The following NREP variants were observed in gnomAD, a reference collection of about 807,000 sequenced individuals.
NREP encodes the protein neuronal regeneration-related protein.
In NREP, 5 loss-of-function variants were observed where a neutral mutation model predicts 8.6. The ratio of observed to expected loss-of-function variants is 0.58; its 90% CI spans 0.30 to 1.22. The LOEUF is 1.22. NREP is among the 50% of genes most tolerant of loss of function. The pLI is 0.07. For missense variants in NREP, 86 were observed against 82.5 expected (o/e 1.04, Z -0.17); for synonymous variants, 27 against 28.0 (o/e 0.96, Z 0.11).
At chr5:111,956,730 G>A (rs1201106682) in intron 2 of NREP, among the ~76,000 whole-genome samples, 1 of 152,122 alleles carries the variant, frequency 6.6e-6, no homozygotes, top group Non-Finnish European at 1.5e-5. Context: ...TTGGGAGGTG[G>A]AGGCAGGTAG....
intron 2 of NREP, among the ~76,000 whole-genome samples, chr5:111,810,410 A>G (rs1752244136): frequency 6.6e-6 from 1 of 152,176 alleles, no homozygotes; most frequent in East Asian, 1.9e-4. Flanking sequence ...CACAAAATCA[A>G]CTGTACTATT....
intron 2 of NREP, among the ~76,000 whole-genome samples, chr5:111,878,017 G>A (rs1164383175): frequency 6.6e-6 from 1 of 152,118 alleles, no homozygotes; most frequent in Non-Finnish European, 1.5e-5. Context: ...TTAAACGGTG[G>A]GTAACTCAGG....
chr5:111,821,175 G>A (rs868296295), intron 2 of NREP, among the ~76,000 whole-genome samples: 3 of 152,154 alleles, frequency 2.0e-5, no homozygotes, highest in African/African-American at 7.2e-5. Context: ...ACAGCACTCC[G>A]CTGGTACCTC....
intron 1 of NREP, 118 bp from the exon 2 acceptor site, chr5:111,755,948 T>C: frequency 1.3e-6 from 2 of 1,483,324 alleles, no homozygotes; most frequent in South Asian, 1.3e-5. Context: ...ATAAGTTACA[T>C]GCAAATTATT....
At chr5:111,831,785 T>A (rs774093385) in intron 2 of NREP, among the ~76,000 whole-genome samples, 6 of 152,226 alleles carry the variant, frequency 3.9e-5, no homozygotes, top group Non-Finnish European at 7.3e-5. Context: ...TTTCTTTCTG[T>A]TAATGGCAGC....
intron 2 of NREP, among the ~76,000 whole-genome samples, chr5:111,888,127 G>C (rs1242293121): frequency 6.6e-6 from 1 of 152,220 alleles, no homozygotes; most frequent in Non-Finnish European, 1.5e-5. Context: ...TTTGGGTCTA[G>C]AAATGCTGTC....
chr5:111,838,426 A>G (rs1752947555), intron 2 of NREP, among the ~76,000 whole-genome samples: 1 of 152,138 alleles, frequency 6.6e-6, no homozygotes. Flanking sequence ...TCAACCAAAC[A>G]CTAATGTAGG....
chr5:111,785,866 T>C (rs1293101386), intron 2 of NREP, among the ~76,000 whole-genome samples: 1 of 152,070 alleles, frequency 6.6e-6, no homozygotes, highest in Non-Finnish European at 1.5e-5. Flanking sequence ...TGAGTCCCCA[T>C]AGTTCATATA....
upstream of NREP, chr5:111,757,837 G>C (rs1201355323): frequency 1.0e-6 from 1 of 966,536 alleles, no homozygotes; most frequent in African/African-American, 1.8e-5. Flanking sequence ...AGGTGGAGGA[G>C]GCGGTTTGGG....
chr5:111,885,553 G>C (rs1169278091), intron 2 of NREP, among the ~76,000 whole-genome samples: 1 of 152,068 alleles, frequency 6.6e-6, no homozygotes, highest in African/African-American at 2.4e-5. Flanking sequence ...GAGGCATCAC[G>C]CTACCTGACT....
intron 2 of NREP, among the ~76,000 whole-genome samples, chr5:111,815,030 T>A (rs901130513): frequency 2.0e-5 from 3 of 150,388 alleles, no homozygotes; most frequent in African/African-American, 7.3e-5. Flanking sequence ...TAGCGAGGAA[T>A]CTTAGAGAAG....
intron 2 of NREP, among the ~76,000 whole-genome samples, chr5:111,898,497 C>T (rs2201415): frequency 0.02 from 3,029 of 152,070 alleles, 48 homozygotes; most frequent in Non-Finnish European, 0.027. Flanking sequence ...TGATATGTTG[C>T]TATCAAACTA....
chr5:111,917,362 G>T (rs1755091897), intron 2 of NREP, among the ~76,000 whole-genome samples: 1 of 152,042 alleles, frequency 6.6e-6, no homozygotes, highest in African/African-American at 2.4e-5. Flanking sequence ...CATTTTATGA[G>T]GCCAGCATCA....
intron 2 of NREP, among the ~76,000 whole-genome samples, chr5:111,770,092 T>A (rs921549704): frequency 1.3e-5 from 2 of 152,240 alleles, no homozygotes; most frequent in African/African-American, 4.8e-5. Context: ...ATCAGAAAAT[T>A]AGACATTCTA....
At chr5:111,810,771 T>C (rs909212664) in intron 2 of NREP, among the ~76,000 whole-genome samples, 21 of 152,224 alleles carry the variant, frequency 1.4e-4, no homozygotes, top group African/African-American at 4.3e-4. Flanking sequence ...CCCTATTAAG[T>C]TTCATACATA....
At chr5:111,950,600 T>C (rs575558589) in intron 2 of NREP, among the ~76,000 whole-genome samples, 3 of 151,092 alleles carry the variant, frequency 2.0e-5, no homozygotes, top group African/African-American at 7.3e-5. Flanking sequence ...ATCATCAGAG[T>C]GAACAGGCAA....
At chr5:111,778,562 T>C (rs1159408570) in intron 2 of NREP, among the ~76,000 whole-genome samples, 1 of 152,194 alleles carries the variant, frequency 6.6e-6, no homozygotes, top group East Asian at 1.9e-4. Flanking sequence ...GTCAAAGTCC[T>C]TATTTAATTG....
At position 111,793,895 on chromosome 5, in the gene NREP, TA is replaced by T. The variant is rs568983246; in HGVS notation, c.136-58389del. On this transcript the variant is annotated intron_variant, in intron 2 of 3. Coordinates refer to the NREP transcript ENST00000395634. ...GTAACAAAGCAAGCCCCTGTCTTTATAAAAAAAAATTATAGCCAGGTGTGGT... is the reference window on the plus strand; with the variant it reads ...GTAACAAAGCAAGCCCCTGTCTTTATAAAAAAAATTATAGCCAGGTGTGGT... Among the ~76,000 whole-genome samples, 330 of 151,530 alleles carry T rather than the reference TA, an allele frequency of 2.2e-3. 3 individuals are homozygous for T. The Middle Eastern group carries it at 0.024, about 11-fold the overall frequency.
intron 2 of NREP, among the ~76,000 whole-genome samples, chr5:111,797,802 C>T (rs958338875): frequency 4.6e-5 from 7 of 152,068 alleles, no homozygotes; most frequent in Non-Finnish European, 7.4e-5. Context: ...TTAGAAAAAT[C>T]GGTTTTCTCA....
Sources: allele counts gnomAD v4.1 joint callset (sites outside exome capture counted in the v4.1 genomes callset), GRCh38; gene constraint gnomAD v4.1.1; transcripts MANE v1.5; gene names NCBI Gene and HGNC (gene_info 2026-07-23, HGNC 2026-07-21).